VDAC1: variants seen among roughly 807,000 people sequenced by gnomAD.
VDAC1 encodes the protein voltage dependent anion channel 1.
VDAC1 carries 10 observed loss-of-function variants against 34.7 expected under a neutral mutation model. The ratio of observed to expected loss-of-function variants is 0.29; its 90% confidence interval spans 0.18 to 0.49. The LOEUF is 0.49. VDAC1 is among the 20% of genes least tolerant of loss of function. The pLI, the probability that VDAC1 is intolerant of heterozygous loss-of-function variation, is 0.99. For synonymous variants in VDAC1, 130 were observed against 136.0 expected (o/e 0.96, Z 0.30); for missense variants, 230 against 347.9 (o/e 0.66, Z 2.69).
intron 6 of VDAC1, among the ~76,000 whole-genome samples, chr5:133,979,719 C>T (rs996658380): frequency 3.9e-5 from 6 of 152,166 alleles, no homozygotes; most frequent in Admixed American, 2.6e-4. Context: ...TGAGCCACGA[C>T]GCCCGGCCAA....
At chr5:134,102,082 T>C in the VDAC1 span, among the ~76,000 whole-genome samples, 65 of 152,274 alleles carry the variant, frequency 4.3e-4, no homozygotes, top group African/African-American at 1.4e-3. Flanking sequence ...CGGTTTCCTT[T>C]TGAGGGTCCC....
intron 5 of VDAC1, among the ~76,000 whole-genome samples, chr5:133,981,885 T>C (rs892774707): frequency 4.6e-5 from 7 of 152,192 alleles, no homozygotes; most frequent in Admixed American, 2.0e-4. Context: ...CCAGATCCAC[T>C]CAGAGCCTCA....
chr5:133,996,648 T>C (rs1324945889), intron 1 of VDAC1, among the ~76,000 whole-genome samples: 2 of 147,262 alleles, frequency 1.4e-5, no homozygotes, highest in Non-Finnish European at 3.0e-5. Flanking sequence ...ATCCAAAATA[T>C]GGAAAAAGTT....
chr5:133,987,453 G>C (rs1050043946), intron 5 of VDAC1, among the ~76,000 whole-genome samples: 3 of 152,192 alleles, frequency 2.0e-5, no homozygotes, highest in Non-Finnish European at 4.4e-5. Context: ...TGAGACGGGT[G>C]GATCGCTTGA....
At chr5:134,079,391 C>T in the VDAC1 span, among the ~76,000 whole-genome samples, 6,182 of 152,238 alleles carry the variant, frequency 0.041, 225 homozygotes, top group South Asian at 0.14. Context: ...GACCAGGGGT[C>T]TGGACTAAAA....
At chr5:133,973,920 G>A in intron 7 of VDAC1, 72 bp from the exon 8 acceptor site, 1 of 1,468,248 alleles carries the variant, frequency 6.8e-7, no homozygotes, top group South Asian at 1.2e-5. Context: ...CAAAATTAGA[G>A]CTTTTTAGTC....
At chr5:133,993,706 CT>C (rs780459643) in intron 1 of VDAC1, among the ~76,000 whole-genome samples, 40 of 152,234 alleles carry the variant, frequency 2.6e-4, no homozygotes, top group Non-Finnish European at 4.6e-4. Flanking sequence ...TCCAGTGTAA[CT>C]TTATTTTTAA....
chr5:134,027,314 G>A, the VDAC1 span, among the ~76,000 whole-genome samples: 3,120 of 152,194 alleles, frequency 0.021, 50 homozygotes, highest in Non-Finnish European at 0.029. Flanking sequence ...AGGGGCTCCC[G>A]TTGCCTCCTT....
the VDAC1 span, among the ~76,000 whole-genome samples, chr5:134,039,893 CAAGTTTCCAGACTGCTCCTGCAGTCTGG>C: frequency 1.3e-5 from 2 of 152,134 alleles, no homozygotes; most frequent in Admixed American, 1.3e-4. Context: ...TGCCCACAGC[CAAGTTTCCAGACTGCTCCTGCAGTCTGG>C]AACGCAGACA....
At chr5:134,104,824 C>G in the VDAC1 span, among the ~76,000 whole-genome samples, 107 of 152,330 alleles carry the variant, frequency 7.0e-4, no homozygotes, top group Admixed American at 1.8e-3. Flanking sequence ...GACCCCAAAG[C>G]GAGGGGATAT....
chr5:134,078,467 C>T, the VDAC1 span, among the ~76,000 whole-genome samples: 2 of 152,082 alleles, frequency 1.3e-5, no homozygotes, highest in Admixed American at 6.6e-5. Context: ...TTTAGGGACC[C>T]GCCACCGCAA....
chr5:134,081,054 T>TG, the VDAC1 span, among the ~76,000 whole-genome samples: 1 of 147,294 alleles, frequency 6.8e-6, no homozygotes, highest in South Asian at 2.2e-4. Flanking sequence ...TTTTTTTTTT[T>TG]GAGACGGAGT....
Position 133,982,750 on chromosome 5 carries a change from T to C in VDAC1, c.324-1794A>G, listed in dbSNP as rs538211803. 2.0e-5 allele frequency among the ~76,000 whole-genome samples: 3 copies of C among 150,188 alleles called. No individual in the cohort carries two copies. The East Asian group carries it at 6.1e-4, about 30-fold the overall frequency. ...ACTAAAAATGCAAAAATTAGCTGGG[T>C]GTGGTGGCACATGCCTGTAATCTCA... On this transcript the variant is annotated intron_variant, in intron 5 of 8. Transcript: ENST00000265333.
At chr5:134,039,429 G>C in the VDAC1 span, among the ~76,000 whole-genome samples, 18,557 of 152,060 alleles carry the variant, frequency 0.12, 1,364 homozygotes, top group East Asian at 0.31. Context: ...CCTGGGTTCT[G>C]GCCATTCTCC....
intron 1 of VDAC1, among the ~76,000 whole-genome samples, chr5:134,000,791 G>C (rs1753520263): frequency 1.3e-5 from 2 of 152,078 alleles, no homozygotes. Context: ...GGTAAGCAGG[G>C]AATACACACA....
chr5:134,036,534 T>C, the VDAC1 span, among the ~76,000 whole-genome samples: 2 of 151,976 alleles, frequency 1.3e-5, no homozygotes, highest in East Asian at 3.9e-4. Flanking sequence ...AGGACATTAG[T>C]AGGTCAAGTG....
chr5:134,114,147 T>C, the VDAC1 span, among the ~76,000 whole-genome samples: 1 of 152,210 alleles, frequency 6.6e-6, no homozygotes, highest in Non-Finnish European at 1.5e-5. Context: ...TCGCACTGTA[T>C]GCAGGCGGCC....
At chr5:134,015,230 G>C in the VDAC1 span, among the ~76,000 whole-genome samples, 1 of 151,442 alleles carries the variant, frequency 6.6e-6, no homozygotes, top group South Asian at 2.1e-4. Context: ...GAGGGAGAGA[G>C]GGGGGCAAGG....
At chr5:134,058,833 G>C in the VDAC1 span, among the ~76,000 whole-genome samples, 1 of 152,130 alleles carries the variant, frequency 6.6e-6, no homozygotes, top group Admixed American at 6.6e-5. Context: ...GCACTCCAAG[G>C]CCTCTCCACA....
Sources: allele counts gnomAD v4.1 joint callset (sites outside exome capture counted in the v4.1 genomes callset), GRCh38; gene constraint gnomAD v4.1.1; transcripts MANE v1.5; gene names NCBI Gene and HGNC (gene_info 2026-07-23, HGNC 2026-07-21).